Variants in KCNU1 observed in about 807,000 individuals in gnomAD.
KCNU1 encodes potassium channel subfamily U member 1.
Under a neutral mutation model 126.8 loss-of-function variants are expected in KCNU1, and 93 were observed. The observed-to-expected ratio is 0.73, with a 90% CI of 0.62 to 0.87. KCNU1 has a LOEUF of 0.87. KCNU1 is among the 40% of genes least tolerant of loss of function. KCNU1 has a pLI of 0.00. For missense variants in KCNU1, 1,330 were observed against 1,367.1 expected (o/e 0.97, Z 0.43); for synonymous variants, 523 against 494.2 (o/e 1.06, Z -0.77).
chr8:36,864,654 G>A (rs1443232387), intron 19 of KCNU1, 133 bp downstream of exon 19: 7 of 626,896 alleles, frequency 1.1e-5, no homozygotes, highest in Non-Finnish European at 1.1e-5. Flanking sequence ...TCCCCAAAAT[G>A]AGATCATCTC....
chr8:36,784,614 C>T lies in KCNU1; in HGVS notation c.195+9C>T. The T allele has an allele frequency of 6.2e-7, 1 of 1,600,088 alleles. No individual in the cohort carries two copies. Among genetic ancestry groups the T allele is most frequent in the Non-Finnish European group, 8.5e-7 (1 of 1,170,444 alleles). ...GAACAGGAATTATCTTGGTCAGTTT[C>T]CTTGTTAGGGATCCCTCTGTGTGAA... On this transcript the variant is annotated intron_variant, in intron 1 of 26. Coordinates refer to ENST00000399881, the MANE Select transcript of KCNU1 (RefSeq NM_001031836.3).
At chr8:36,907,212 CATT>C (rs1352253098) in intron 20 of KCNU1, among the ~76,000 whole-genome samples, 2 of 152,062 alleles carry the variant, frequency 1.3e-5, no homozygotes, top group African/African-American at 4.8e-5. Context: ...AACTTGGTTT[CATT>C]TGCAAAAGGG....
intron 10 of KCNU1, among the ~76,000 whole-genome samples, chr8:36,819,365 T>C (rs1002285669): frequency 6.6e-6 from 1 of 152,152 alleles, no homozygotes; most frequent in African/African-American, 2.4e-5. Flanking sequence ...AAGCAACATT[T>C]TCTATCCTAG....
At chr8:36,863,297 G>A (rs568187301) in intron 18 of KCNU1, among the ~76,000 whole-genome samples, 154 of 152,246 alleles carry the variant, frequency 1.0e-3, no homozygotes, top group African/African-American at 3.4e-3. Context: ...CTTGTCCCAC[G>A]TGAACTCCCC....
At chr8:36,880,687 G>A (rs928169155) in intron 19 of KCNU1, among the ~76,000 whole-genome samples, 1 of 152,120 alleles carries the variant, frequency 6.6e-6, no homozygotes, top group Non-Finnish European at 1.5e-5. Context: ...TGGGTTTCAA[G>A]CAAGAGATGA....
chr8:36,919,428 CAAAAA>C (rs10699066), intron 23 of KCNU1, among the ~76,000 whole-genome samples: 1 of 109,476 alleles, frequency 9.1e-6, no homozygotes, highest in South Asian at 3.2e-4. Flanking sequence ...CTAAAATAGG[CAAAAA>C]AAAAAAAAAA....
intron 5 of KCNU1, among the ~76,000 whole-genome samples, chr8:36,806,944 T>G (rs1585396366): frequency 6.6e-6 from 1 of 152,168 alleles, no homozygotes; most frequent in East Asian, 1.9e-4. Context: ...ACAAACATTG[T>G]GAAGCATATC....
chr8:36,833,267 T>C (rs1804621327), intron 10 of KCNU1, among the ~76,000 whole-genome samples: 1 of 152,136 alleles, frequency 6.6e-6, no homozygotes, highest in Admixed American at 6.6e-5. Context: ...AATTTCTCCT[T>C]CTAATTTTTT....
At chr8:36,873,699 T>C (rs1311904381) in intron 19 of KCNU1, among the ~76,000 whole-genome samples, 1 of 152,174 alleles carries the variant, frequency 6.6e-6, no homozygotes. Flanking sequence ...TCAGGGTTGC[T>C]GGGCAGCTTT....
At chr8:36,811,402 A>G (rs1563269716) in intron 7 of KCNU1, among the ~76,000 whole-genome samples, 1 of 152,164 alleles carries the variant, frequency 6.6e-6, no homozygotes, top group Non-Finnish European at 1.5e-5. Flanking sequence ...ACAGGGGGGA[A>G]CCAATGAGAC....
At chr8:36,876,963 G>A (rs1806298460) in intron 19 of KCNU1, among the ~76,000 whole-genome samples, 1 of 152,168 alleles carries the variant, frequency 6.6e-6, no homozygotes, top group African/African-American at 2.4e-5. Context: ...AAACGGAGAA[G>A]TAGGAAGAGC....
chr8:36,930,299 T>C (rs1006130890), intron 24 of KCNU1, among the ~76,000 whole-genome samples: 1 of 152,102 alleles, frequency 6.6e-6, no homozygotes, highest in Non-Finnish European at 1.5e-5. Context: ...AGACTCAAGC[T>C]CATTTCAAAA....
At chr8:36,888,616 A>G (rs756619533) in intron 19 of KCNU1, 6 of 534,182 alleles carry the variant, frequency 1.1e-5, no homozygotes, top group South Asian at 2.8e-5. Context: ...CTGATGACTC[A>G]CTCATTGGCA....
intron 19 of KCNU1, among the ~76,000 whole-genome samples, chr8:36,871,402 T>C (rs1806096581): frequency 6.9e-6 from 1 of 145,576 alleles, no homozygotes. Context: ...TATATATATA[T>C]ATATACATAG....
intron 24 of KCNU1, among the ~76,000 whole-genome samples, chr8:36,926,691 T>G (rs1808544370): frequency 6.6e-6 from 1 of 152,114 alleles, no homozygotes; most frequent in Non-Finnish European, 1.5e-5. Flanking sequence ...CATGTCCCTT[T>G]TATCCATAAT....
chr8:36,871,741 T>G (rs1806111146), intron 19 of KCNU1, among the ~76,000 whole-genome samples: 1 of 152,162 alleles, frequency 6.6e-6, no homozygotes. Context: ...GGCTGGGTGC[T>G]AAGATGAGGA....
chr8:36,931,830 G>C (rs1309898134), intron 25 of KCNU1, among the ~76,000 whole-genome samples: 1 of 152,076 alleles, frequency 6.6e-6, no homozygotes, highest in Non-Finnish European at 1.5e-5. Flanking sequence ...AGCTGAGGGA[G>C]CTGGTAAACA....
intron 22 of KCNU1, among the ~76,000 whole-genome samples, chr8:36,917,068 G>A (rs1033381867): frequency 6.6e-6 from 1 of 152,182 alleles, no homozygotes; most frequent in East Asian, 1.9e-4. Context: ...CTGTTTTTCA[G>A]GGGGCCTTAG....
At chr8:36,820,155 CT>C (rs1455268603) in intron 10 of KCNU1, among the ~76,000 whole-genome samples, 1 of 152,174 alleles carries the variant, frequency 6.6e-6, no homozygotes, top group African/African-American at 2.4e-5. Flanking sequence ...GTGGATGCCC[CT>C]AGTCAACAAT....
Sources: allele counts gnomAD v4.1 joint callset (sites outside exome capture counted in the v4.1 genomes callset), GRCh38; gene constraint gnomAD v4.1.1; transcripts MANE v1.5; gene names NCBI Gene and HGNC (gene_info 2026-07-23, HGNC 2026-07-21).